The following MYH15 variants were observed in gnomAD, a reference collection of about 807,000 sequenced individuals.
The protein encoded by MYH15 is myosin-15.
In MYH15, 227 loss-of-function variants were observed where a neutral mutation model predicts 240.5. The observed-to-expected ratio is 0.94, with a 90% confidence interval of 0.85 to 1.05. The LOEUF is 1.05. Among genes scored for constraint, MYH15 ranks in the 50% least tolerant of loss-of-function variants. MYH15 has a pLI of 0.00. For synonymous variants in MYH15, 785 were observed against 796.7 expected, an observed-to-expected ratio of 0.99 and a Z score of 0.25; for missense variants, 2,217 against 2,247.5, an observed-to-expected ratio of 0.99 and a Z score of 0.27.
At chr3:108,470,608 A>G in intron 13 of MYH15, 90 bp downstream of exon 13, 1 of 1,398,648 alleles carries the variant, frequency 7.1e-7, no homozygotes, top group East Asian at 2.4e-5. Context: ...AATGATCCCC[A>G]TGCTTTGACC....
the MYH15 span, among the ~76,000 whole-genome samples, chr3:108,538,061 G>C: frequency 2.0e-5 from 3 of 152,146 alleles, no homozygotes; most frequent in African/African-American, 7.2e-5. Flanking sequence ...AGTTAATGTG[G>C]TTTTCCACTG....
chr3:108,506,798 T>C (rs987371559), intron 1 of MYH15, among the ~76,000 whole-genome samples: 2 of 152,138 alleles, frequency 1.3e-5, no homozygotes, highest in Non-Finnish European at 2.9e-5. Flanking sequence ...TTTGGGAGGC[T>C]GAGGCGGGCA....
chr3:108,497,291 A>G (rs529576901), intron 6 of MYH15, among the ~76,000 whole-genome samples: 4 of 151,980 alleles, frequency 2.6e-5, no homozygotes, highest in African/African-American at 9.6e-5. Context: ...CTATTTTAAT[A>G]TATTTCTTAC....
At chr3:108,530,152 G>T (rs150904407), upstream of MYH15, among the ~76,000 whole-genome samples, 1 of 152,164 alleles carries the variant, frequency 6.6e-6, no homozygotes, top group African/African-American at 2.4e-5. Context: ...GAGATTAGCC[G>T]TAAACTAAAC....
chr3:108,541,101 A>T, the MYH15 span, among the ~76,000 whole-genome samples: 1 of 152,016 alleles, frequency 6.6e-6, no homozygotes, highest in African/African-American at 2.4e-5. Flanking sequence ...ATAATTTAAC[A>T]TCATAGAGAT....
chr3:108,434,829 G>C (rs2082817934), intron 25 of MYH15, among the ~76,000 whole-genome samples: 1 of 152,182 alleles, frequency 6.6e-6, no homozygotes, highest in South Asian at 2.1e-4. Context: ...AGATAGCCCT[G>C]TCCCTTGCTC....
intron 25 of MYH15, among the ~76,000 whole-genome samples, chr3:108,432,623 G>A (rs9855142): frequency 0.017 from 2,616 of 152,228 alleles, 76 homozygotes; most frequent in African/African-American, 0.06. Flanking sequence ...CTGGGCCCAG[G>A]GTCCCCGTGC....
rs746794416 is a variant in MYH15 at position 108,428,658 on chromosome 3, G to T, written c.3536C>A (p.Thr1179Lys). ...DMEEATLHFE[T>K]TSASLKKRHA... ...TCTCTTCTTCAAAGATGCAGAAGTTGTCTCAAAGTGCAGAGTGGCCTCTTC... is the reference window on the plus strand; with the variant it reads ...TCTCTTCTTCAAAGATGCAGAAGTTTTCTCAAAGTGCAGAGTGGCCTCTTC... The change falls in exon 27 of 41, where the codon ACA becomes AAA. Residue 1179 changes from threonine (T) to lysine (K), a missense_variant. Transcript: ENST00000693548. 36 of 1,613,560 alleles carry T rather than the reference G, an allele frequency of 2.2e-5. No individual in the cohort carries two copies. The highest frequency in any genetic ancestry group is 2.6e-5 in the Non-Finnish European group (31 of 1,179,976).
At chr3:108,480,854 G>T (rs1249570573) in intron 11 of MYH15, among the ~76,000 whole-genome samples, 1 of 152,158 alleles carries the variant, frequency 6.6e-6, no homozygotes, top group Non-Finnish European at 1.5e-5. Context: ...AGAGGCAAAG[G>T]CTAAGATGCC....
At chr3:108,546,402 T>C in the MYH15 span, among the ~76,000 whole-genome samples, 1 of 152,196 alleles carries the variant, frequency 6.6e-6, no homozygotes, top group Non-Finnish European at 1.5e-5. Flanking sequence ...GTGAAGATAA[T>C]GTAATGGAGA....
At chr3:108,541,959 C>T in the MYH15 span, among the ~76,000 whole-genome samples, 8 of 152,122 alleles carry the variant, frequency 5.3e-5, no homozygotes, top group African/African-American at 1.9e-4. Context: ...TTATGTATTG[C>T]ATTATCTCTT....
intron 9 of MYH15, among the ~76,000 whole-genome samples, chr3:108,488,784 C>A (rs889100088): frequency 6.6e-6 from 1 of 152,160 alleles, no homozygotes; most frequent in Admixed American, 6.5e-5. Context: ...GAGTTCATTT[C>A]CCTTGGATGT....
At chr3:108,413,991 T>G (rs2107550157) in intron 30 of MYH15, among the ~76,000 whole-genome samples, 1 of 152,312 alleles carries the variant, frequency 6.6e-6, no homozygotes, top group South Asian at 2.1e-4. Flanking sequence ...AGAGCCTCCT[T>G]TCTCTCCCCA....
chr3:108,413,674 T>C (rs1423387992), intron 30 of MYH15, among the ~76,000 whole-genome samples: 3 of 152,232 alleles, frequency 2.0e-5, no homozygotes, highest in Non-Finnish European at 4.4e-5. Flanking sequence ...TAGAAATGGC[T>C]ATAAAATTGA....
chr3:108,395,987 G>A (rs556695146), intron 35 of MYH15, among the ~76,000 whole-genome samples: 1 of 152,276 alleles, frequency 6.6e-6, no homozygotes, highest in African/African-American at 2.4e-5. Context: ...AGGTCCCATT[G>A]CAGAGCTTCT....
chr3:108,405,124 C>T (rs908625853), intron 33 of MYH15: 7 of 314,472 alleles, frequency 2.2e-5, no homozygotes, highest in Admixed American at 9.6e-5. Flanking sequence ...AATATCTATA[C>T]ACAATTGTGT....
intron 18 of MYH15, 53 bp from the exon 19 acceptor site, chr3:108,456,936 G>T: frequency 1.5e-6 from 2 of 1,320,864 alleles, no homozygotes; most frequent in Non-Finnish European, 1.1e-6. Context: ...AAATTATTGG[G>T]ACAGATTTTG....
At chr3:108,432,691 A>AG (rs2082788804) in intron 25 of MYH15, among the ~76,000 whole-genome samples, 1 of 152,142 alleles carries the variant, frequency 6.6e-6, no homozygotes, top group African/African-American at 2.4e-5. Flanking sequence ...CATGGCTGAA[A>AG]GGGGTCAACA....
At position 108,470,715 on chromosome 3, in the gene MYH15, CAG is replaced by C. The variant is rs2107587092; in HGVS notation, c.1364_1365del (p.Thr455ArgfsTer3). 1.9e-6 allele frequency: 3 copies of C among 1,613,612 alleles called. No individual in the cohort carries two copies. Among genetic ancestry groups the C allele is most frequent in the East Asian group, 2.2e-5 (1 of 44,830 alleles). ...RQFFIGILDI[T>X]GFEILEYNSL... is the part of the protein sequence containing the mutation. ...ACACTTACCTCAAGGATTTCAAAAC[CAG>C]TGATGTCAAGAATGCCAATGAAGAA... On this transcript the variant is annotated frameshift_variant, in exon 13 of 41. Transcript: ENST00000693548. LOFTEE classifies it high-confidence loss of function.
Sources: allele counts gnomAD v4.1 joint callset (sites outside exome capture counted in the v4.1 genomes callset), GRCh38; gene constraint gnomAD v4.1.1; transcripts MANE v1.5; gene names NCBI Gene and HGNC (gene_info 2026-07-23, HGNC 2026-07-21).